The following LTN1 variants were observed in gnomAD, a reference collection of about 807,000 sequenced individuals.
LTN1 encodes listerin E3 ubiquitin protein ligase 1.
A neutral mutation model predicts 201.2 loss-of-function variants in LTN1; 88 were observed. That is an observed-to-expected ratio of 0.44 (90% CI 0.37 to 0.52). LTN1 has a LOEUF of 0.52. Among genes scored for constraint, LTN1 ranks in the 20% least tolerant of loss-of-function variants. LTN1 has a pLI of 0.00. For missense variants in LTN1, 1,752 were observed against 2,038.7 expected, an observed-to-expected ratio of 0.86 and a Z score of 2.71; for synonymous variants, 645 against 713.5, an observed-to-expected ratio of 0.90 and a Z score of 1.53.
chr21:28,940,907 G>A (rs2084292350), intron 25 of LTN1, among the ~76,000 whole-genome samples: 1 of 152,084 alleles, frequency 6.6e-6, no homozygotes, highest in South Asian at 2.1e-4. Context: ...GGGCAACACG[G>A]TGAAACCCCA....
At chr21:28,968,529 A>G (rs2084545010) in intron 9 of LTN1, among the ~76,000 whole-genome samples, 1 of 152,244 alleles carries the variant, frequency 6.6e-6, no homozygotes, top group Admixed American at 6.5e-5. Context: ...TTTTAGAATT[A>G]ACAAGATGAT....
Position 28,946,183 on chromosome 21 carries a change from T to C in LTN1, c.3592A>G (p.Lys1198Glu). The change falls in exon 20 of 30, where the codon AAA becomes GAA. Residue 1198 changes from lysine to glutamate, a missense_variant. This residue lies in a region of LTN1 where 1,211 missense variants were observed against 1,312.8 expected (regional missense o/e 0.92). Coordinates refer to ENST00000361371, the MANE Select transcript of LTN1 (RefSeq NM_015565.3). ...AAAAGAAAAATATCTTCATGCTCTT[T>C]CTTCCAGGATATTATGATTTTTAAT... is the stretch of plus-strand genomic sequence containing the variant. Reference protein sequence around the residue: ...GILKIIISWKKEHEDIFLFSC... With the variant: ...GILKIIISWKEEHEDIFLFSC... 3 of 1,585,650 alleles carry C rather than the reference T, an allele frequency of 1.9e-6. 1 individual carries two copies. The South Asian group carries it at 3.5e-5, about 19-fold the overall frequency.
intron 18 of LTN1, among the ~76,000 whole-genome samples, chr21:28,950,199 C>T (rs2084371507): frequency 6.6e-6 from 1 of 152,058 alleles, no homozygotes; most frequent in South Asian, 2.1e-4. Flanking sequence ...TATCTTCCCA[C>T]CTTCTTTTGT....
chr21:28,969,994 A>G (rs996924359), intron 8 of LTN1, among the ~76,000 whole-genome samples: 5 of 152,140 alleles, frequency 3.3e-5, no homozygotes, highest in African/African-American at 9.7e-5. Flanking sequence ...TTAATTTTCT[A>G]TTCATGGACC....
At chr21:28,950,162 TAG>T (rs962028373) in intron 18 of LTN1, among the ~76,000 whole-genome samples, 1 of 152,216 alleles carries the variant, frequency 6.6e-6, no homozygotes, top group African/African-American at 2.4e-5. Flanking sequence ...ACTGAAATTA[TAG>T]ATTGACACAA....
rs79492401 is a variant in LTN1 at position 28,962,031 on chromosome 21, T to C, written c.2164-1325A>G. On this transcript the variant is annotated intron_variant, in intron 11 of 29. Transcript: ENST00000361371. ...TCTGTCTCAAAAAAAAAAGATGATT[T>C]TAAGACTCTGCTCATAAAGTATTAA... Among the ~76,000 whole-genome samples the C allele has an allele frequency of 8.4e-3, 1,277 of 152,264 alleles. 19 individuals carry two copies. Among genetic ancestry groups the C allele is most frequent in the African/African-American group, 0.029 (1,199 of 41,550 alleles).
At position 28,984,903 on chromosome 21, in the gene LTN1, C is replaced by T. The variant is rs1383229820; in HGVS notation, c.365G>A (p.Arg122Gln). 5 of 1,613,212 alleles carry T rather than the reference C, an allele frequency of 3.1e-6. No homozygotes were observed. The highest frequency in any genetic ancestry group is 1.1e-5 in the South Asian group (1 of 90,990). The change falls in exon 4 of 30, where the codon CGA becomes CAA. Residue 122 changes from arginine (R) to glutamine (Q), a missense_variant. Physicochemically the swap from Arg to Gln is conservative, Grantham distance 43 (BLOSUM62 1). Transcript: ENST00000361371. ...TTCAAAAGCTTGTTGTGTGGCTTCT[C>T]GGACGCGACGGTCATGATCCTATTA... Reference protein sequence around the residue: ...KISLDHDRRVREATQQAFEKL... With the variant: ...KISLDHDRRVQEATQQAFEKL...
chr21:28,947,755 G>C, intron 18 of LTN1, 149 bp from the exon 19 acceptor site: 1 of 498,904 alleles, frequency 2.0e-6, no homozygotes, highest in South Asian at 5.2e-5. Context: ...GATTTAACAA[G>C]TGCTGACTTG....
chr21:28,958,629 ATT>A, intron 13 of LTN1, 90 bp from the exon 14 acceptor site: 3 of 918,162 alleles, frequency 3.3e-6, no homozygotes, highest in Non-Finnish European at 4.8e-6. Flanking sequence ...CAGATCTGAG[ATT>A]TTTTTAAATA....
intron 21 of LTN1, 91 bp downstream of exon 21, chr21:28,945,716 C>T: frequency 8.6e-7 from 1 of 1,161,520 alleles, no homozygotes; most frequent in Admixed American, 2.4e-5. Flanking sequence ...CAATTACAAT[C>T]ATCACTTAAA....
chr21:28,933,710 CT>C (rs2084230953), intron 27 of LTN1, among the ~76,000 whole-genome samples: 1 of 141,736 alleles, frequency 7.1e-6, no homozygotes, highest in African/African-American at 2.6e-5. Context: ...GAGTTTCACT[CT>C]TGTTGCCCAG....
intron 27 of LTN1, among the ~76,000 whole-genome samples, chr21:28,933,671 CTCTCTCT>C (rs2084229673): frequency 6.7e-6 from 1 of 149,692 alleles, no homozygotes; most frequent in Admixed American, 6.7e-5. Flanking sequence ...TTCTCTCTCT[CTCTCTCT>C]TTTTTTTTTT....
chr21:28,981,109 A>T lies in LTN1; in HGVS notation c.810+10T>A. 6.7e-7 allele frequency: 1 copy of T among 1,482,674 alleles called. No individual in the cohort carries two copies. The highest frequency in any genetic ancestry group is 9.0e-7 in the Non-Finnish European group (1 of 1,110,814). 91.8% of individuals were successfully genotyped at this position (1,482,674 alleles called of 1,614,324 possible). A position where few individuals can be genotyped will look rare whatever the true frequency, so the allele number is the denominator to read the frequency against. On this transcript the variant is annotated intron_variant, in intron 6 of 29. Transcript: ENST00000361371. Reference sequence around the variant, plus strand: ...AGAGAAATGTCTTAAGATAAAAAAGATTAATATACCTGAGGTACACTGTGT... The same window carrying T: ...AGAGAAATGTCTTAAGATAAAAAAGTTTAATATACCTGAGGTACACTGTGT...
intron 4 of LTN1, 71 bp from the exon 5 acceptor site, chr21:28,982,439 T>C (rs2084666483): frequency 1.8e-6 from 2 of 1,133,166 alleles, no homozygotes; most frequent in Non-Finnish European, 2.6e-6. Context: ...AGAGCCTAGT[T>C]AAATAAAATC....
chr21:28,969,972 C>T (rs369435920), intron 8 of LTN1, among the ~76,000 whole-genome samples: 1 of 151,984 alleles, frequency 6.6e-6, no homozygotes, highest in Non-Finnish European at 1.5e-5. Flanking sequence ...GGCACCACGC[C>T]TAGCCGAGAT....
At chr21:28,991,974 T>C (rs2084749905) in intron 1 of LTN1, among the ~76,000 whole-genome samples, 1 of 152,244 alleles carries the variant, frequency 6.6e-6, no homozygotes, top group South Asian at 2.1e-4. Context: ...TGAGCGTCTA[T>C]TAGGTGCCAG....
rs547214842 is a variant in LTN1, at chr21:28,988,694, C to T, written c.43-1760G>A. On this transcript the variant is annotated intron_variant, in intron 1 of 29. Coordinates refer to ENST00000361371, the MANE Select transcript of LTN1 (RefSeq NM_015565.3). ...GTTTATTAAGAAAATAGGTCAGGCGCGGTGGTTCACGTCTGTAATCCCAGC... is the reference window on the plus strand; with the variant it reads ...GTTTATTAAGAAAATAGGTCAGGCGTGGTGGTTCACGTCTGTAATCCCAGC... Among the ~76,000 whole-genome samples the T allele has an allele frequency of 2.0e-4, 31 of 151,264 alleles. No homozygotes were observed. The South Asian group carries it at 2.5e-3, about 12-fold the overall frequency.
chr21:28,930,558 C>A, intron 29 of LTN1, 48 bp from the exon 30 acceptor site: 2 of 1,180,666 alleles, frequency 1.7e-6, no homozygotes, highest in Non-Finnish European at 1.3e-6. Flanking sequence ...TAAAGTTCTC[C>A]TCTAACATAC....
At chr21:28,934,548 C>T (rs2084238483) in intron 27 of LTN1, among the ~76,000 whole-genome samples, 1 of 152,114 alleles carries the variant, frequency 6.6e-6, no homozygotes, top group Non-Finnish European at 1.5e-5. Context: ...GTGCTGACTC[C>T]CATTTGCCTT....
Sources: allele counts gnomAD v4.1 joint callset (sites outside exome capture counted in the v4.1 genomes callset), GRCh38; gene constraint gnomAD v4.1.1; regional missense constraint gnomAD v4.1.1; transcripts MANE v1.5; gene names NCBI Gene and HGNC (gene_info 2026-07-23, HGNC 2026-07-21).